DTNA: variants seen among roughly 807,000 people sequenced by gnomAD.
The protein encoded by DTNA is dystrophin-related protein 3.
Under a neutral mutation model 100.7 loss-of-function variants are expected in DTNA, and 43 were observed. The observed-to-expected ratio is 0.43, with a 90% confidence interval of 0.33 to 0.55. DTNA has a LOEUF of 0.55. Among genes scored for constraint, DTNA ranks in the 20% least tolerant of loss-of-function variants. The pLI, the probability that DTNA is intolerant of heterozygous loss-of-function variation, is 0.04. For missense variants in DTNA, 798 were observed against 953.9 expected (o/e 0.84, Z 2.15); for synonymous variants, 349 against 347.9 (o/e 1.00, Z -0.04).
At chr18:34,728,072 A>G (rs879783097) in intron 1 of DTNA, among the ~76,000 whole-genome samples, 2 of 152,294 alleles carry the variant, frequency 1.3e-5, no homozygotes, top group Admixed American at 6.5e-5. Context: ...TCTTCAGCAG[A>G]TACGTATTAC....
At chr18:34,517,404 A>G (rs927700649) in intron 1 of DTNA, among the ~76,000 whole-genome samples, 18 of 151,970 alleles carry the variant, frequency 1.2e-4, no homozygotes, top group African/African-American at 3.4e-4. Flanking sequence ...ATAATGAGAA[A>G]ATTGACATGG....
chr18:34,550,951 A>G (rs2045346816), intron 1 of DTNA, among the ~76,000 whole-genome samples: 1 of 152,132 alleles, frequency 6.6e-6, no homozygotes, highest in East Asian at 1.9e-4. Flanking sequence ...ATGACATTGC[A>G]TTCTGCATTG....
At chr18:34,770,760 C>T (rs962997338) in intron 3 of DTNA, among the ~76,000 whole-genome samples, 4 of 149,828 alleles carry the variant, frequency 2.7e-5, no homozygotes, top group Non-Finnish European at 3.0e-5. Flanking sequence ...TTTAAAAATG[C>T]ATACTCCCAA....
At chr18:34,536,694 A>G (rs2043748045) in intron 1 of DTNA, among the ~76,000 whole-genome samples, 1 of 151,988 alleles carries the variant, frequency 6.6e-6, no homozygotes, top group Non-Finnish European at 1.5e-5. Context: ...CTATTATCTA[A>G]TTTGCATCTA....
chr18:34,499,620 C>T (rs934480864), intron 1 of DTNA, among the ~76,000 whole-genome samples: 1 of 152,114 alleles, frequency 6.6e-6, no homozygotes, highest in Non-Finnish European at 1.5e-5. Flanking sequence ...TCTGTATCTT[C>T]GCTAGCATTT....
intron 2 of DTNA, among the ~76,000 whole-genome samples, chr18:34,756,815 C>G (rs1249067355): frequency 1.3e-5 from 2 of 152,144 alleles, no homozygotes; most frequent in East Asian, 3.9e-4. Context: ...GAAAACCACA[C>G]ATCTCAAGTT....
At chr18:34,512,899 T>C (rs1345230798) in intron 1 of DTNA, among the ~76,000 whole-genome samples, 2 of 152,090 alleles carry the variant, frequency 1.3e-5, no homozygotes, top group Non-Finnish European at 2.9e-5. Flanking sequence ...ACCATTGCAT[T>C]GTGGAATACA....
At chr18:34,805,346 A>G (rs984251680) in intron 4 of DTNA, among the ~76,000 whole-genome samples, 10 of 152,060 alleles carry the variant, frequency 6.6e-5, no homozygotes, top group Admixed American at 2.6e-4. Flanking sequence ...TTTTTTTAAG[A>G]CAGAGTCTCC....
At chr18:34,692,173 T>C (rs970041247) in intron 1 of DTNA, among the ~76,000 whole-genome samples, 8 of 152,154 alleles carry the variant, frequency 5.3e-5, no homozygotes, top group Non-Finnish European at 5.9e-5. Flanking sequence ...GAGGGTCATA[T>C]TTTGAGATAA....
rs140704970 is a variant in DTNA at position 34,563,352 on chromosome 18, C to A, written c.-2+69838C>A. On this transcript the variant is annotated intron_variant, in intron 1 of 19. Transcript: ENST00000283365. Reference sequence around the variant, plus strand: ...TAGGAGAGAGACATGAACAGTTTCTCTTCCAGGGCTTTCAGAAGGAACCAA... The same window carrying A: ...TAGGAGAGAGACATGAACAGTTTCTATTCCAGGGCTTTCAGAAGGAACCAA... Among the ~76,000 whole-genome samples, 503 of 152,314 alleles carry A rather than the reference C, an allele frequency of 3.3e-3. 3 individuals are homozygous for A. The highest frequency in any genetic ancestry group is 0.011 in the African/African-American group (469 of 41,572).
At chr18:34,746,391 T>C (rs1415925311) in intron 1 of DTNA, among the ~76,000 whole-genome samples, 1 of 152,136 alleles carries the variant, frequency 6.6e-6, no homozygotes, top group Non-Finnish European at 1.5e-5. Context: ...AGGACTTGGC[T>C]ACCACAGCAG....
At chr18:34,554,804 A>G (rs1167936058) in intron 1 of DTNA, among the ~76,000 whole-genome samples, 4 of 148,770 alleles carry the variant, frequency 2.7e-5, no homozygotes, top group Middle Eastern at 6.3e-3. Context: ...TTTTTGCATC[A>G]ATGTTCATCA....
At chr18:34,515,501 A>G (rs944837510) in intron 1 of DTNA, among the ~76,000 whole-genome samples, 3 of 152,134 alleles carry the variant, frequency 2.0e-5, no homozygotes, top group African/African-American at 7.2e-5. Flanking sequence ...TTACTATTCC[A>G]TAGTCATAGT....
chr18:34,865,803 C>CG (rs2096694445), intron 17 of DTNA, among the ~76,000 whole-genome samples: 1 of 152,228 alleles, frequency 6.6e-6, no homozygotes, highest in Non-Finnish European at 1.5e-5. Context: ...GGATAGAAGT[C>CG]TATTCACCAC....
At chr18:34,541,242 A>C (rs913956430) in intron 1 of DTNA, among the ~76,000 whole-genome samples, 3 of 152,020 alleles carry the variant, frequency 2.0e-5, no homozygotes, top group African/African-American at 7.2e-5. Flanking sequence ...AAATGATACA[A>C]ATTGCATAGT....
At position 34,848,299 on chromosome 18, in the gene DTNA, G is replaced by A; in HGVS notation, c.1350G>A (p.Met450Ile). 6.2e-7 allele frequency: 1 copy of A among 1,613,966 alleles called. No individual in the cohort carries two copies. Among genetic ancestry groups the A allele is most frequent in the South Asian group, 1.1e-5 (1 of 91,072 alleles). ...CTTCTTGCTTTGTTCTTAATAGCAT[G>A]CTTGAGAGTTCAAACCGGCTTGATG... ...VNMLRNNPSC[M>I]LESSNRLDEE... is the part of the protein sequence containing the mutation. The change falls in exon 14 of 23, where the codon ATG (methionine) becomes ATA (isoleucine). Residue 450 changes from methionine (M) to isoleucine (I), a missense_variant. This residue lies in a region of DTNA where 159 missense variants were observed against 201.2 expected (regional missense o/e 0.79). Coordinates refer to ENST00000444659, the MANE Select transcript of DTNA (RefSeq NM_001386795.1).
At chr18:34,756,863 C>G (rs1055818292) in intron 2 of DTNA, among the ~76,000 whole-genome samples, 2 of 152,116 alleles carry the variant, frequency 1.3e-5, no homozygotes, top group African/African-American at 4.8e-5. Context: ...CTCTTCATGT[C>G]TTTTTATCTC....
At chr18:34,507,473 C>G (rs754470061) in intron 1 of DTNA, among the ~76,000 whole-genome samples, 1 of 152,118 alleles carries the variant, frequency 6.6e-6, no homozygotes, top group Non-Finnish European at 1.5e-5. Flanking sequence ...TCTGATTTGT[C>G]AAGTTGTTTG....
intron 4 of DTNA, among the ~76,000 whole-genome samples, chr18:34,800,766 T>G (rs779432131): frequency 6.6e-6 from 1 of 152,210 alleles, no homozygotes; most frequent in Non-Finnish European, 1.5e-5. Flanking sequence ...TTTTGTAACT[T>G]CAAACAGGAA....
Sources: allele counts gnomAD v4.1 joint callset (sites outside exome capture counted in the v4.1 genomes callset), GRCh38; gene constraint gnomAD v4.1.1; regional missense constraint gnomAD v4.1.1; transcripts MANE v1.5; gene names NCBI Gene and HGNC (gene_info 2026-07-23, HGNC 2026-07-21).